ELP4: variants seen among roughly 807,000 people sequenced by gnomAD.
ELP4 encodes elongator acetyltransferase complex subunit 4.
In ELP4, 51 loss-of-function variants were observed where a neutral mutation model predicts 48.9. That is an observed-to-expected ratio of 1.04 (90% CI 0.83 to 1.32). The LOEUF (loss-of-function observed/expected upper bound fraction) is 1.32. Ranked by LOEUF, ELP4 falls within the 40% of genes most tolerant of loss-of-function variation. The pLI, the probability that ELP4 is intolerant of heterozygous loss-of-function variation, is 0.00. For synonymous variants in ELP4, 210 were observed against 189.2 expected, an observed-to-expected ratio of 1.11 and a Z score of -0.90; for missense variants, 519 against 514.6, an observed-to-expected ratio of 1.01 and a Z score of -0.08.
intron 3 of ELP4, among the ~76,000 whole-genome samples, chr11:31,542,881 T>C (rs1420693358): frequency 6.6e-6 from 1 of 152,220 alleles, no homozygotes; most frequent in Non-Finnish European, 1.5e-5. Flanking sequence ...TAAGTTTTAT[T>C]ACAAGTATAT....
chr11:31,660,124 A>G (rs753252570), intron 9 of ELP4, among the ~76,000 whole-genome samples: 3 of 152,326 alleles, frequency 2.0e-5, no homozygotes, highest in Non-Finnish European at 4.4e-5. Flanking sequence ...TATATGAATG[A>G]AAAAAGCTTA....
intron 3 of ELP4, among the ~76,000 whole-genome samples, chr11:31,580,090 A>AT (rs2133970630): frequency 6.6e-6 from 1 of 152,022 alleles, no homozygotes; most frequent in Non-Finnish European, 1.5e-5. Context: ...AGAGGTTGCT[A>AT]TTTTTTCTGT....
At chr11:31,555,233 A>G (rs534507078) in intron 3 of ELP4, among the ~76,000 whole-genome samples, 94 of 152,220 alleles carry the variant, frequency 6.2e-4, no homozygotes, top group Non-Finnish European at 1.1e-3. Context: ...CAAGGGGTAT[A>G]GGATTGTCTT....
intron 9 of ELP4, among the ~76,000 whole-genome samples, chr11:31,716,175 C>A (rs779407429): frequency 6.6e-6 from 1 of 152,070 alleles, no homozygotes; most frequent in Non-Finnish European, 1.5e-5. Context: ...CCACCACATC[C>A]AGCTAATTTA....
intron 3 of ELP4, among the ~76,000 whole-genome samples, chr11:31,546,589 C>T (rs1198350070): frequency 9.9e-5 from 15 of 151,928 alleles, no homozygotes; most frequent in Non-Finnish European, 1.6e-4. Flanking sequence ...GACAGAAAGT[C>T]AACAAAGATA....
chr11:31,515,370 T>C, intron 1 of ELP4, among the ~76,000 whole-genome samples: 1 of 152,298 alleles, frequency 6.6e-6, no homozygotes, highest in South Asian at 2.1e-4. Context: ...ATTTTTTAGG[T>C]TATGTGGTCA....
At position 31,564,701 on chromosome 11, in the gene ELP4, C is replaced by T. The variant is rs529777634; in HGVS notation, c.381+24918C>T. 4.6e-5 allele frequency among the ~76,000 whole-genome samples: 7 copies of T among 152,310 alleles called. No individual in the cohort carries two copies. In the East Asian group the frequency reaches 1.3e-3, roughly 29 times the overall value. ...GCTTCGTCTATGTCCCTGCAAAGGACATGAACTCATCCTTTTTTATGGCTG... is the reference window on the plus strand; with the variant it reads ...GCTTCGTCTATGTCCCTGCAAAGGATATGAACTCATCCTTTTTTATGGCTG... On this transcript the variant is annotated intron_variant, in intron 3 of 9. Coordinates refer to ENST00000640961, the MANE Select transcript of ELP4 (RefSeq NM_019040.5).
At chr11:31,767,512 C>A (rs1482041546) in intron 9 of ELP4, 1 of 151,780 alleles carries the variant, frequency 6.6e-6, no homozygotes, top group East Asian at 1.9e-4. Flanking sequence ...CTGAATTATC[C>A]AAGTGGAAAT....
intron 9 of ELP4, among the ~76,000 whole-genome samples, chr11:31,695,531 T>A (rs1030397727): frequency 2.6e-5 from 4 of 151,444 alleles, no homozygotes; most frequent in African/African-American, 9.7e-5. Flanking sequence ...GTGTATAAGC[T>A]TTTTGATGTG....
At chr11:31,577,466 G>A (rs927906475) in intron 3 of ELP4, among the ~76,000 whole-genome samples, 1 of 151,838 alleles carries the variant, frequency 6.6e-6, no homozygotes. Flanking sequence ...ACCAAAGCCT[G>A]GCAGAGACAC....
chr11:31,577,617 C>T (rs1354057879), intron 3 of ELP4, among the ~76,000 whole-genome samples: 1 of 151,968 alleles, frequency 6.6e-6, no homozygotes, highest in African/African-American at 2.4e-5. Context: ...GTCTTCATCC[C>T]TAGGATGCAA....
intron 9 of ELP4, among the ~76,000 whole-genome samples, chr11:31,725,487 C>T (rs1443526221): frequency 1.3e-5 from 2 of 152,204 alleles, no homozygotes; most frequent in African/African-American, 4.8e-5. Flanking sequence ...GTTCTCCCTG[C>T]CTTGCTTGAC....
chr11:31,539,714 A>G lies in ELP4; in HGVS notation c.312A>G (p.Ala104=), dbSNP rs1956562699. 6.2e-7 allele frequency: 1 copy of G among 1,611,658 alleles called. No individual in the cohort carries two copies. Among genetic ancestry groups the G allele is most frequent in the Admixed American group, 1.7e-5 (1 of 59,772 alleles). ...CTTTGCTCTTCAAGTATTTCCTGGC[A>G]GAAGGAATTGTCAATGGGCATACTT... ...YSPLLFKYFL[A]EGIVNGHTLL... is the part of the protein sequence containing the mutation. Residue 104 remains alanine, a synonymous_variant, in exon 3 of 10, where the codon GCA becomes GCG. Transcript: ENST00000640961.
At chr11:31,654,672 G>A (rs1489137497) in intron 9 of ELP4, 3 of 151,780 alleles carry the variant, frequency 2.0e-5, no homozygotes, top group Non-Finnish European at 4.4e-5. Context: ...CAGGACAGGG[G>A]TGCTAGTAGC....
intron 9 of ELP4, among the ~76,000 whole-genome samples, chr11:31,778,628 A>G (rs1234192415): frequency 2.0e-5 from 3 of 152,218 alleles, no homozygotes; most frequent in African/African-American, 7.2e-5. Context: ...CGAGAGTCTT[A>G]TGAGGGAAGA....
intron 9 of ELP4, chr11:31,662,408 A>G: frequency 2.5e-6 from 1 of 393,762 alleles, no homozygotes; most frequent in Non-Finnish European, 4.5e-6. Flanking sequence ...AGAACATGTG[A>G]TTAGCAAACT....
chr11:31,576,340 T>G (rs1305267947), intron 3 of ELP4, among the ~76,000 whole-genome samples: 1 of 152,134 alleles, frequency 6.6e-6, no homozygotes, highest in East Asian at 1.9e-4. Context: ...ACAATAATAA[T>G]GGGAGACTTT....
At chr11:31,767,327 C>T (rs1302984813) in intron 9 of ELP4, 2 of 150,970 alleles carry the variant, frequency 1.3e-5, no homozygotes, top group Non-Finnish European at 2.9e-5. Context: ...AGGATTTAGC[C>T]GATTCGGTGT....
chr11:31,677,834 G>A (rs370854389), intron 9 of ELP4, among the ~76,000 whole-genome samples: 3 of 151,998 alleles, frequency 2.0e-5, no homozygotes, highest in African/African-American at 7.2e-5. Flanking sequence ...GTTACAATTG[G>A]TGAGCCAGAA....
Sources: allele counts gnomAD v4.1 joint callset (sites outside exome capture counted in the v4.1 genomes callset), GRCh38; gene constraint gnomAD v4.1.1; transcripts MANE v1.5; gene names NCBI Gene and HGNC (gene_info 2026-07-23, HGNC 2026-07-21).